PRKN: variants seen among roughly 807,000 people sequenced by gnomAD.
The protein encoded by PRKN is parkin RBR E3 ubiquitin protein ligase, also known as E3 ubiquitin-protein ligase parkin.
In PRKN, 56 loss-of-function variants were observed where a neutral mutation model predicts 59.5. That is an observed-to-expected ratio of 0.94 (90% CI 0.76 to 1.18). The LOEUF is 1.18. PRKN is among the 50% of genes most tolerant of loss of function. The pLI, the probability that PRKN is intolerant of heterozygous loss-of-function variation, is 0.00. For missense variants in PRKN, 657 were observed against 596.4 expected (o/e 1.10, Z -1.06); for synonymous variants, 250 against 222.1 (o/e 1.13, Z -1.12).
At chr6:161,695,507 A>G (rs1234027814) in intron 7 of PRKN, among the ~76,000 whole-genome samples, 1 of 152,178 alleles carries the variant, frequency 6.6e-6, no homozygotes, top group African/African-American at 2.4e-5. Flanking sequence ...GCCTGATCTC[A>G]GTTATTTACA....
At chr6:161,569,203 T>G (rs1780772921) in intron 8 of PRKN, 152 bp downstream of exon 8, 2 of 700,188 alleles carry the variant, frequency 2.9e-6, no homozygotes, top group South Asian at 3.0e-5. Context: ...AGGAAAAAAG[T>G]GTCCTCACAC....
intron 4 of PRKN, among the ~76,000 whole-genome samples, chr6:162,158,821 T>C (rs1377883573): frequency 6.6e-6 from 1 of 152,000 alleles, no homozygotes. Flanking sequence ...CTTGGGACTA[T>C]TATAGGCTTC....
chr6:161,946,414 A>ACACACACTCTCT (rs1247187053), intron 6 of PRKN, among the ~76,000 whole-genome samples: 74 of 114,442 alleles, frequency 6.5e-4, no homozygotes, highest in African/African-American at 2.6e-3. Context: ...ACACACACAC[A>ACACACACTCTCT]CTCTCTCTCT....
intron 4 of PRKN, among the ~76,000 whole-genome samples, chr6:162,080,456 G>A (rs1266639487): frequency 6.6e-6 from 1 of 152,100 alleles, no homozygotes; most frequent in East Asian, 1.9e-4. Flanking sequence ...CAATAAAGCA[G>A]ATATCACAAT....
chr6:161,567,798 C>T (rs778640029), intron 8 of PRKN, among the ~76,000 whole-genome samples: 2 of 152,126 alleles, frequency 1.3e-5, no homozygotes, highest in Admixed American at 6.5e-5. Context: ...AAAATGGAAA[C>T]ACTGCAAATA....
chr6:162,222,705 C>T (rs1056866911), intron 3 of PRKN, among the ~76,000 whole-genome samples: 6 of 152,178 alleles, frequency 3.9e-5, no homozygotes, highest in East Asian at 1.9e-4. Context: ...TGAGGAAATG[C>T]GGGACCTGAC....
intron 4 of PRKN, among the ~76,000 whole-genome samples, chr6:162,172,075 A>T (rs528161718): frequency 5.9e-5 from 9 of 152,288 alleles, no homozygotes; most frequent in Non-Finnish European, 1.2e-4. Context: ...AGGATATTGA[A>T]GTGCACAGGA....
chr6:161,355,441 A>G lies in PRKN; in HGVS notation c.1285+4647T>C, dbSNP rs1784710156. Among the ~76,000 whole-genome samples the G allele has an allele frequency of 6.6e-6, 1 of 152,090 alleles. No homozygotes were observed. Among genetic ancestry groups the G allele is most frequent in the South Asian group, 2.1e-4 (1 of 4,830 alleles). ...TTTTGAGACGGAGTCTCACTGTGTC[A>G]CCCAGGCCGAAGTGCAATGGTGCAA... On this transcript the variant is annotated intron_variant, in intron 11 of 11. Transcript: ENST00000366898. The surrounding 1 kb of genome is among the most constrained non-coding windows in gnomAD (Gnocchi z 6.8).
At chr6:162,174,414 T>C (rs1357431384) in intron 4 of PRKN, among the ~76,000 whole-genome samples, 5 of 152,134 alleles carry the variant, frequency 3.3e-5, no homozygotes, top group Non-Finnish European at 5.9e-5. Context: ...CATAAATATC[T>C]TCTTTTTGGT....
chr6:162,032,195 C>A (rs928846336), intron 5 of PRKN, among the ~76,000 whole-genome samples: 1 of 152,164 alleles, frequency 6.6e-6, no homozygotes, highest in Non-Finnish European at 1.5e-5. Context: ...TCTCCCCTTA[C>A]AATATCCATC....
Position 162,467,772 on chromosome 6 carries a change from C to G in PRKN, c.8-24299G>C, listed in dbSNP as rs151147746. On this transcript the variant is annotated intron_variant, in intron 1 of 11. Coordinates refer to ENST00000366898, the MANE Select transcript of PRKN (RefSeq NM_004562.3). Reference sequence around the variant, plus strand: ...TACTGCAGCCTACAGGGCTGCACGGCCTGGCTCCCACTTGTCCTCCAGCCT... The same window carrying G: ...TACTGCAGCCTACAGGGCTGCACGGGCTGGCTCCCACTTGTCCTCCAGCCT... Among the ~76,000 whole-genome samples the G allele has an allele frequency of 4.3e-4, 66 of 152,192 alleles. 1 individual carries two copies. Among genetic ancestry groups the G allele is most frequent in the African/African-American group, 1.4e-3 (58 of 41,514 alleles).
intron 4 of PRKN, among the ~76,000 whole-genome samples, chr6:162,187,683 G>T (rs1784088578): frequency 6.6e-6 from 1 of 152,064 alleles, no homozygotes; most frequent in Admixed American, 6.6e-5. Context: ...TATCCATTTG[G>T]CCCTGGGAGA....
At chr6:162,236,580 G>A (rs1399397435) in intron 3 of PRKN, among the ~76,000 whole-genome samples, 3 of 151,502 alleles carry the variant, frequency 2.0e-5, no homozygotes, top group Admixed American at 6.6e-5. Context: ...GAGGTCAGGA[G>A]TTTGAAACCA....
chr6:161,617,026 T>A (rs888152791), intron 7 of PRKN, among the ~76,000 whole-genome samples: 1 of 152,198 alleles, frequency 6.6e-6, no homozygotes, highest in Non-Finnish European at 1.5e-5. Flanking sequence ...ACTTCCACTA[T>A]CAGTGTAAAA....
At chr6:162,615,996 A>G (rs1782392752) in intron 1 of PRKN, among the ~76,000 whole-genome samples, 1 of 152,210 alleles carries the variant, frequency 6.6e-6, no homozygotes, top group East Asian at 1.9e-4. Flanking sequence ...ATTATTGCCA[A>G]TTTGGAAGTA....
chr6:162,032,570 T>TGAG (rs1783681087), intron 5 of PRKN, among the ~76,000 whole-genome samples: 1 of 152,180 alleles, frequency 6.6e-6, no homozygotes, highest in Non-Finnish European at 1.5e-5. Context: ...GCTGGTTATC[T>TGAG]TACGTATATA....
At chr6:162,164,722 T>C (rs2849589) in intron 4 of PRKN, among the ~76,000 whole-genome samples, 10,745 of 148,936 alleles carry the variant, frequency 0.072, 1,413 homozygotes, top group East Asian at 0.41. Context: ...CAGAAGCCTA[T>C]GTGCCATCTA....
chr6:162,624,765 C>T (rs1482432757), intron 1 of PRKN, among the ~76,000 whole-genome samples: 1 of 152,190 alleles, frequency 6.6e-6, no homozygotes, highest in Non-Finnish European at 1.5e-5. Context: ...AAGGGCTCCT[C>T]CTGCCTTAGC....
At chr6:162,234,387 T>C (rs1336875236) in intron 3 of PRKN, among the ~76,000 whole-genome samples, 3 of 152,176 alleles carry the variant, frequency 2.0e-5, no homozygotes, top group African/African-American at 7.2e-5. Context: ...GTTGGTTCAT[T>C]GAAAAGATTT....
Sources: gnomAD v4.1 joint callset for allele counts (sites outside exome capture counted in the v4.1 genomes callset) on GRCh38, gnomAD v4.1.1 for gene constraint, Gnocchi (gnomAD v3.1) non-coding constraint, MANE v1.5 for transcripts, NCBI Gene and HGNC (gene_info 2026-07-23, HGNC 2026-07-21) for gene names.